The following MAPRE2 variants were observed in gnomAD, a reference collection of about 807,000 sequenced individuals.
MAPRE2 encodes the protein microtubule associated protein RP/EB family member 2, also known as microtubule-associated protein RP/EB family member 2.
In MAPRE2, 13 loss-of-function variants were observed where a neutral mutation model predicts 43.2. That is an observed-to-expected ratio of 0.30 (90% CI 0.20 to 0.48). The LOEUF (loss-of-function observed/expected upper bound fraction) is 0.48, where lower values mean the gene tolerates loss of function less well. Ranked by LOEUF, MAPRE2 falls within the 20% of genes least tolerant of loss-of-function variation. The pLI is 0.99. For synonymous variants in MAPRE2, 135 were observed against 148.8 expected (o/e 0.91, Z 0.68); for missense variants, 161 against 400.2 (o/e 0.40, Z 5.10).
At chr18:35,001,776 C>T (rs957327867) in intron 1 of MAPRE2, among the ~76,000 whole-genome samples, 8 of 151,958 alleles carry the variant, frequency 5.3e-5, no homozygotes, top group African/African-American at 4.8e-5. Flanking sequence ...TTGCCCACTG[C>T]TTTGGGGCTT....
Position 35,063,354 on chromosome 18 carries a change from G to A in MAPRE2, c.123-6841G>A, listed in dbSNP as rs558440991. Among the ~76,000 whole-genome samples the A allele has an allele frequency of 1.9e-3, 282 of 152,064 alleles. 1 individual carries two copies. The highest frequency in any genetic ancestry group is 6.4e-3 in the African/African-American group (266 of 41,502). On this transcript the variant is annotated intron_variant, in intron 1 of 6. Coordinates refer to ENST00000300249, the MANE Select transcript of MAPRE2 (RefSeq NM_014268.4). ...GATCTCCTGACCTCGTGATCCGCCCGCCTTGTCCTCCCAAAGTGCTGGGAT... is the reference window on the plus strand; with the variant it reads ...GATCTCCTGACCTCGTGATCCGCCCACCTTGTCCTCCCAAAGTGCTGGGAT...
chr18:35,130,720 C>T (rs78283873), intron 5 of MAPRE2, among the ~76,000 whole-genome samples: 1,771 of 152,186 alleles, frequency 0.012, 40 homozygotes, highest in African/African-American at 0.04. Flanking sequence ...TAAAAATAAA[C>T]GAAGGGTTTA....
intron 2 of MAPRE2, among the ~76,000 whole-genome samples, chr18:35,013,289 G>T (rs994955576): frequency 2.6e-5 from 4 of 152,152 alleles, no homozygotes; most frequent in Non-Finnish European, 5.9e-5. Context: ...GTTGATTTAA[G>T]GTAGAAGAGA....
At chr18:35,113,919 C>G (rs1909293070) in intron 4 of MAPRE2, among the ~76,000 whole-genome samples, 1 of 152,106 alleles carries the variant, frequency 6.6e-6, no homozygotes, top group Non-Finnish European at 1.5e-5. Context: ...AAGGAGTCAT[C>G]AGTAATATTA....
chr18:35,108,333 G>C (rs1909008342), intron 4 of MAPRE2, among the ~76,000 whole-genome samples: 1 of 152,136 alleles, frequency 6.6e-6, no homozygotes, highest in Admixed American at 6.5e-5. Context: ...AGTGTTCCAT[G>C]GTATATATGT....
upstream of MAPRE2, among the ~76,000 whole-genome samples, chr18:35,038,313 C>T (rs1440731474): frequency 1.3e-5 from 2 of 152,200 alleles, no homozygotes; most frequent in African/African-American, 4.8e-5. Context: ...GGCATGCTAG[C>T]AAAAGAAGAG....
Position 35,049,073 on chromosome 18 carries a change from A to G in MAPRE2, c.122+7412A>G, listed in dbSNP as rs538517529. ...TTTTGTTTTGTTTTGCTTTAAAGAC[A>G]TTAATTTTTTGTTCTTTATTTAGTG... On this transcript the variant is annotated intron_variant, in intron 1 of 6. Coordinates refer to ENST00000300249, the MANE Select transcript of MAPRE2 (RefSeq NM_014268.4). 2.6e-5 allele frequency among the ~76,000 whole-genome samples: 4 copies of G among 152,260 alleles called. No individual in the cohort carries two copies. In the South Asian group the frequency reaches 8.3e-4, roughly 32 times the overall value.
intron 2 of MAPRE2, among the ~76,000 whole-genome samples, chr18:35,091,729 TAA>T (rs561272015): frequency 4.2e-5 from 6 of 143,792 alleles, no homozygotes; most frequent in Non-Finnish European, 3.1e-5. Context: ...CATCTGTATT[TAA>T]AAAAAAAAAA....
At chr18:35,031,385 A>G (rs146861730) in intron 2 of MAPRE2, among the ~76,000 whole-genome samples, 70 of 152,308 alleles carry the variant, frequency 4.6e-4, no homozygotes, top group African/African-American at 1.6e-3. Context: ...TACTTAATAC[A>G]CTTTTCATTA....
intron 1 of MAPRE2, among the ~76,000 whole-genome samples, chr18:35,051,865 C>T (rs182842937): frequency 6.6e-6 from 1 of 152,328 alleles, no homozygotes; most frequent in Admixed American, 6.5e-5. Flanking sequence ...CAAACGGTGC[C>T]TGGTGCAAAG....
At chr18:35,108,269 G>A (rs1317626795) in intron 4 of MAPRE2, among the ~76,000 whole-genome samples, 5 of 152,116 alleles carry the variant, frequency 3.3e-5, no homozygotes, top group Non-Finnish European at 5.9e-5. Flanking sequence ...ATGGCTTCCA[G>A]CTTTATCCAC....
intron 2 of MAPRE2, among the ~76,000 whole-genome samples, chr18:35,073,679 C>T (rs1907214666): frequency 1.3e-5 from 2 of 152,056 alleles, no homozygotes; most frequent in Middle Eastern, 3.4e-3. Flanking sequence ...TAAAATTTTC[C>T]AGCTAAGAGA....
chr18:35,127,210 A>G, intron 5 of MAPRE2, 123 bp downstream of exon 5: 1 of 935,912 alleles, frequency 1.1e-6, no homozygotes, highest in Non-Finnish European at 1.6e-6. Context: ...GGTTTCAAGT[A>G]AGTGAGAATA....
intron 5 of MAPRE2, among the ~76,000 whole-genome samples, chr18:35,128,745 C>A (rs891420258): frequency 1.3e-5 from 2 of 152,136 alleles, no homozygotes; most frequent in African/African-American, 4.8e-5. Flanking sequence ...AACCCAAATT[C>A]TTTTGGTATC....
chr18:35,024,473 CATTTT>C, intron 2 of MAPRE2, among the ~76,000 whole-genome samples: 1 of 152,086 alleles, frequency 6.6e-6, no homozygotes, highest in African/African-American at 2.4e-5. Context: ...TAGAACAAAG[CATTTT>C]ATGCAAATGA....
chr18:35,065,508 TG>T (rs1402605534), intron 1 of MAPRE2, among the ~76,000 whole-genome samples: 2 of 152,122 alleles, frequency 1.3e-5, no homozygotes, highest in African/African-American at 4.8e-5. Flanking sequence ...CCTTATCTCC[TG>T]CTTGTTGTGC....
intron 4 of MAPRE2, among the ~76,000 whole-genome samples, chr18:35,103,874 G>A (rs1908787813): frequency 6.6e-6 from 1 of 152,194 alleles, no homozygotes; most frequent in Non-Finnish European, 1.5e-5. Flanking sequence ...TCTCCGTTCA[G>A]TAGAATGGTA....
intron 2 of MAPRE2, among the ~76,000 whole-genome samples, chr18:35,096,054 C>T (rs1908401702): frequency 6.6e-6 from 1 of 152,108 alleles, no homozygotes; most frequent in Non-Finnish European, 1.5e-5. Context: ...TTTTAACAAC[C>T]CTTAGATTCC....
rs1157773950 is a variant in MAPRE2, at chr18:35,024,507, G to GCAAATGAATCTATATCTAT, written c.-8+18954_-8+18955insCAAATGAATCTATATCTAT. Among the ~76,000 whole-genome samples the GCAAATGAATCTATATCTAT allele has an allele frequency of 1.0e-3, 155 of 152,298 alleles. 1 individual carries two copies. The highest frequency in any genetic ancestry group is 1.9e-3 in the South Asian group (9 of 4,824). ...CAAATGAACCTATTTCAGTTCTATT[G>GCAAATGAATCTATATCTAT]ATAACGATATAACTTGCTTTTATTC... On this transcript the variant is annotated intron_variant, in intron 2 of 7. Coordinates refer to the MAPRE2 transcript ENST00000413393.
Sources: allele counts gnomAD v4.1 joint callset (sites outside exome capture counted in the v4.1 genomes callset), GRCh38; gene constraint gnomAD v4.1.1; transcripts MANE v1.5; gene names NCBI Gene and HGNC (gene_info 2026-07-23, HGNC 2026-07-21).